Variants in NPY2R observed in about 807,000 individuals in gnomAD.
NPY2R encodes neuropeptide Y receptor type 2.
NPY2R carries 17 observed loss-of-function variants against 22.3 expected under a neutral mutation model. The observed-to-expected ratio is 0.76, with a 90% CI of 0.52 to 1.14. The LOEUF is 1.14. Among genes scored for constraint, NPY2R ranks in the 50% most tolerant of loss-of-function variants. The pLI, the probability that NPY2R is intolerant of heterozygous loss-of-function variation, is 0.00. For synonymous variants in NPY2R, 209 were observed against 183.4 expected (o/e 1.14, Z -1.13); for missense variants, 424 against 467.9 (o/e 0.91, Z 0.87).
At chr4:155,205,405 A>T (rs1274472592), upstream of NPY2R, among the ~76,000 whole-genome samples, 2 of 152,236 alleles carry the variant, frequency 1.3e-5, no homozygotes, top group Non-Finnish European at 2.9e-5. Flanking sequence ...TGTTAAAATG[A>T]AATTACAGTG....
chr4:155,182,819 G>C, the NPY2R span, among the ~76,000 whole-genome samples: 3 of 152,068 alleles, frequency 2.0e-5, no homozygotes, highest in Non-Finnish European at 2.9e-5. Context: ...TTGAGATGGA[G>C]TCTCGCTGTT....
the NPY2R span, among the ~76,000 whole-genome samples, chr4:155,174,484 A>ATATATATATATGTATATT: frequency 3.0e-3 from 321 of 106,064 alleles, 6 homozygotes; most frequent in Middle Eastern, 0.018. Flanking sequence ...ATATATATAT[A>ATATATATATATGTATATT]TTTTTTTTTT....
chr4:155,202,224 G>A, the NPY2R span, among the ~76,000 whole-genome samples: 1 of 152,168 alleles, frequency 6.6e-6, no homozygotes, highest in African/African-American at 2.4e-5. Context: ...TTTACAAAGG[G>A]TTGGGGTACC....
chr4:155,200,042 C>T, the NPY2R span, among the ~76,000 whole-genome samples: 3 of 152,088 alleles, frequency 2.0e-5, no homozygotes, highest in South Asian at 4.1e-4. Context: ...GCAAAGTAAA[C>T]TATCATTGGA....
chr4:155,178,606 T>A, the NPY2R span, among the ~76,000 whole-genome samples: 1 of 152,230 alleles, frequency 6.6e-6, no homozygotes, highest in Non-Finnish European at 1.5e-5. Flanking sequence ...TAGGCAACTA[T>A]ATTTGTGTAT....
the NPY2R span, among the ~76,000 whole-genome samples, chr4:155,193,384 G>C: frequency 6.6e-6 from 1 of 151,818 alleles, no homozygotes; most frequent in African/African-American, 2.4e-5. Context: ...ACATAATCAC[G>C]AGGCCACAGC....
Position 155,215,065 on chromosome 4 carries a change from A to G in NPY2R, c.1126A>G (p.Thr376Ala), listed in dbSNP as rs1280031692. The G allele has an allele frequency of 6.2e-7, 1 of 1,613,142 alleles. No individual in the cohort carries two copies. Among genetic ancestry groups the G allele is most frequent in the Non-Finnish European group, 8.5e-7 (1 of 1,179,996 alleles). ...GAACAGTGGCCCCAATGACTCTTTC[A>G]CAGAGGCTACCAATGTCTAAGGAAG... ...RKNSGPNDSF[T>A]EATNV The change falls in exon 2 of 2, where the codon ACA (threonine) becomes GCA (alanine). Residue 376 changes from threonine to alanine, a missense_variant. Physicochemically the swap from Thr to Ala is moderately conservative, Grantham distance 58 (BLOSUM62 0). Transcript: ENST00000329476.
At chr4:155,183,412 T>C in the NPY2R span, among the ~76,000 whole-genome samples, 293 of 152,238 alleles carry the variant, frequency 1.9e-3, 2 homozygotes, top group Non-Finnish European at 3.5e-3. Context: ...AGAAATGAAA[T>C]GCTGTCGTTT....
In NPY2R at chr4:155,214,579, A is replaced by C; in HGVS notation, c.640A>C (p.Ile214Leu). ...AAAGTGGCCTGGCGAGGAGAAGAGC[A>C]TCTATGGCACTGTCTATAGTCTTTC... The part of the protein sequence containing the change: ...TEKWPGEEKS[I>L]YGTVYSLSSL... Residue 214 changes from isoleucine (I) to leucine (L), a missense_variant, in exon 2 of 2, where the codon ATC becomes CTC. Ile to Leu is a conservative substitution (Grantham distance 5, BLOSUM62 2). Coordinates refer to ENST00000329476, the MANE Select transcript of NPY2R (RefSeq NM_000910.4). The C allele has an allele frequency of 1.9e-6, 3 of 1,614,212 alleles. No individual in the cohort carries two copies. The East Asian group carries it at 6.7e-5, about 36-fold the overall frequency.
At chr4:155,196,609 A>G in the NPY2R span, among the ~76,000 whole-genome samples, 1 of 151,856 alleles carries the variant, frequency 6.6e-6, no homozygotes, top group African/African-American at 2.4e-5. Context: ...AGTAGTTTGA[A>G]TTAGGGAAGA....
chr4:155,192,860 T>A, the NPY2R span, among the ~76,000 whole-genome samples: 1 of 152,060 alleles, frequency 6.6e-6, no homozygotes, highest in Admixed American at 6.6e-5. Flanking sequence ...CATTTCTGTG[T>A]AGGCTGTAGA....
chr4:155,185,143 G>A, the NPY2R span, among the ~76,000 whole-genome samples: 5 of 151,308 alleles, frequency 3.3e-5, no homozygotes, highest in African/African-American at 7.3e-5. Context: ...AGGTTCAAGC[G>A]ATTCTCCTGC....
At chr4:155,192,506 C>A in the NPY2R span, among the ~76,000 whole-genome samples, 1 of 151,686 alleles carries the variant, frequency 6.6e-6, no homozygotes, top group Admixed American at 6.6e-5. Flanking sequence ...TAATAATTTT[C>A]TAAAACAAAA....
chr4:155,213,365 G>T (rs2111043284), intron 1 of NPY2R, among the ~76,000 whole-genome samples: 1 of 152,200 alleles, frequency 6.6e-6, no homozygotes, highest in East Asian at 1.9e-4. Context: ...GAATCTGCTT[G>T]GTTTATCTGA....
the NPY2R span, among the ~76,000 whole-genome samples, chr4:155,201,709 A>C: frequency 1.3e-5 from 2 of 152,114 alleles, no homozygotes; most frequent in African/African-American, 4.8e-5. Context: ...AGTTTGACTT[A>C]TTGTGTGCCC....
chr4:155,194,501 T>G, the NPY2R span, among the ~76,000 whole-genome samples: 2 of 152,018 alleles, frequency 1.3e-5, no homozygotes, highest in African/African-American at 4.8e-5. Context: ...CATGCAATAT[T>G]TGACTTTCTA....
At chr4:155,204,217 G>T (rs201862776), upstream of NPY2R, among the ~76,000 whole-genome samples, 1 of 149,660 alleles carries the variant, frequency 6.7e-6, no homozygotes, top group Non-Finnish European at 1.5e-5. Context: ...AAAAAAAAAC[G>T]AAAAAGCTAG....
the NPY2R span, among the ~76,000 whole-genome samples, chr4:155,188,283 G>T: frequency 6.6e-6 from 1 of 152,116 alleles, no homozygotes; most frequent in Middle Eastern, 3.4e-3. Context: ...AGAATCACCT[G>T]TTCTATGTAC....
the NPY2R span, among the ~76,000 whole-genome samples, chr4:155,180,885 G>A: frequency 3.3e-5 from 5 of 151,620 alleles, no homozygotes; most frequent in African/African-American, 7.3e-5. Context: ...ATATGTGATA[G>A]TAATGTCTAT....
Sources: allele counts gnomAD v4.1 joint callset (sites outside exome capture counted in the v4.1 genomes callset), GRCh38; gene constraint gnomAD v4.1.1; transcripts MANE v1.5; gene names NCBI Gene and HGNC (gene_info 2026-07-23, HGNC 2026-07-21).